IQCB1: variants seen among roughly 807,000 people sequenced by gnomAD.
IQCB1 encodes IQ motif containing B1.
In IQCB1, 56 loss-of-function variants were observed where a neutral mutation model predicts 84.4. The ratio of observed to expected loss-of-function variants is 0.66; its 90% CI spans 0.54 to 0.83. The LOEUF (loss-of-function observed/expected upper bound fraction) is 0.83, where lower values mean the gene tolerates loss of function less well. IQCB1 is among the 40% of genes least tolerant of loss of function. The pLI, the probability that IQCB1 is intolerant of heterozygous loss-of-function variation, is 0.00. For missense variants in IQCB1, 629 were observed against 682.1 expected, an observed-to-expected ratio of 0.92 and a Z score of 0.87; for synonymous variants, 210 against 234.8, an observed-to-expected ratio of 0.89 and a Z score of 0.96.
chr3:121,770,380 C>T lies in IQCB1; in HGVS notation c.1762G>A (p.Glu588Lys), dbSNP rs1278353359. Residue 588 changes from glutamate to lysine, a missense_variant, in exon 15 of 15, where the codon GAA becomes AAA. Physicochemically the swap from Glu to Lys is moderately conservative, Grantham distance 56. Transcript: ENST00000310864. ...TTGGTTCCACCAATGAATAAATTTT[C>T]TAATTCTATACTAAGCTCATCCTTT... The part of the protein sequence containing the change: ...VPKDELSIEL[E>K]NLFIGGTKPP 6.2e-7 allele frequency: 1 copy of T among 1,613,788 alleles called. No homozygotes were observed. Among genetic ancestry groups the T allele is most frequent in the African/African-American group, 1.3e-5 (1 of 74,910 alleles).
chr3:121,821,074 G>A lies in IQCB1; in HGVS notation c.393+4977C>T, dbSNP rs6784644. On this transcript the variant is annotated intron_variant, in intron 5 of 14. Transcript: ENST00000310864. Reference sequence around the variant, plus strand: ...GACGTGATCATAGCTCACTGCAGCCGTGAGCTCCTGGGCTCAAGCAATCCT... The same window carrying A: ...GACGTGATCATAGCTCACTGCAGCCATGAGCTCCTGGGCTCAAGCAATCCT... 2.9e-3 allele frequency among the ~76,000 whole-genome samples: 439 copies of A among 151,834 alleles called. 2 individuals carry two copies. The highest frequency in any genetic ancestry group is 0.01 in the African/African-American group (416 of 41,420).
At chr3:121,801,844 G>A (rs1169849838) in intron 7 of IQCB1, among the ~76,000 whole-genome samples, 3 of 132,420 alleles carry the variant, frequency 2.3e-5, no homozygotes, top group Non-Finnish European at 4.7e-5. Context: ...TTAAAATCAG[G>A]GCTAGATAAT....
At chr3:121,792,390 T>C (rs954805860) in intron 10 of IQCB1, among the ~76,000 whole-genome samples, 2 of 151,894 alleles carry the variant, frequency 1.3e-5, no homozygotes, top group African/African-American at 4.8e-5. Context: ...CCGGGCGCGG[T>C]GGCTCACGCT....
chr3:121,782,026 G>C, intron 12 of IQCB1, 152 bp from the exon 13 acceptor site: 2 of 747,160 alleles, frequency 2.7e-6, no homozygotes, highest in Middle Eastern at 3.6e-4. Flanking sequence ...AAATGCAGGA[G>C]AACAGTGACT....
chr3:121,806,806 TGACA>T (rs1559782529), intron 7 of IQCB1, among the ~76,000 whole-genome samples: 1 of 86,592 alleles, frequency 1.2e-5, no homozygotes, highest in Non-Finnish European at 2.4e-5. Flanking sequence ...ATAATTGCAA[TGACA>T]GACAGCAGCT....
chr3:121,799,623 CCTT>C (rs1199936909), intron 7 of IQCB1, among the ~76,000 whole-genome samples: 1 of 151,842 alleles, frequency 6.6e-6, no homozygotes, highest in Non-Finnish European at 1.5e-5. Flanking sequence ...TAGCCAAAGG[CCTT>C]CTCCTTAGAG....
In IQCB1 at chr3:121,790,235, T is replaced by C; in HGVS notation, c.987-20A>G. ...TTGGATCTGTGATGGAAACAGTGTG[T>C]TATACATAATTTTCATAAATCATAT... On this transcript the variant is annotated intron_variant, in intron 10 of 14. Transcript: ENST00000310864. 1 of 1,609,580 alleles carries C rather than the reference T, an allele frequency of 6.2e-7. No homozygotes were observed. The highest frequency in any genetic ancestry group is 8.5e-7 in the Non-Finnish European group (1 of 1,176,416).
intron 12 of IQCB1, among the ~76,000 whole-genome samples, chr3:121,782,813 G>T (rs931309105): frequency 4.6e-5 from 7 of 152,070 alleles, no homozygotes; most frequent in African/African-American, 1.7e-4. Flanking sequence ...CTGAGTAGCT[G>T]GGATTACAGG....
intron 13 of IQCB1, among the ~76,000 whole-genome samples, chr3:121,777,031 C>T (rs888110243): frequency 6.6e-6 from 1 of 152,142 alleles, no homozygotes; most frequent in Non-Finnish European, 1.5e-5. Flanking sequence ...CTTTTTGAAT[C>T]ATGCTTCTGG....
chr3:121,797,157 G>A lies in IQCB1; in HGVS notation c.837C>T (p.Gly279=). 6.2e-7 allele frequency: 1 copy of A among 1,609,588 alleles called. No individual in the cohort carries two copies. The highest frequency in any genetic ancestry group is 8.5e-7 in the Non-Finnish European group (1 of 1,176,940). ...CCTGATAGACCATTGGGCTTAAAAG[G>A]CCAACAAGCTGTCTAAGTTCTTGAC... The part of the protein sequence containing the change: ...EFSQELRQLV[G]LLSPMVYQEV... The change falls in exon 9 of 15, where the codon GGC becomes GGT. Residue 279 remains glycine, a synonymous_variant. Coordinates refer to ENST00000310864, the MANE Select transcript of IQCB1 (RefSeq NM_001023570.4).
intron 6 of IQCB1, 84 bp from the exon 7 acceptor site, chr3:121,807,527 A>G (rs772404206): frequency 8.1e-6 from 6 of 744,340 alleles, no homozygotes; most frequent in Non-Finnish European, 1.4e-5. Context: ...AAACCAAATC[A>G]AAGCATGACC....
chr3:121,796,157 G>A (rs1212283307), intron 9 of IQCB1, among the ~76,000 whole-genome samples: 1 of 152,058 alleles, frequency 6.6e-6, no homozygotes, highest in Non-Finnish European at 1.5e-5. Flanking sequence ...TAATCAATAT[G>A]AATTTGAGCA....
intron 13 of IQCB1, among the ~76,000 whole-genome samples, chr3:121,777,535 C>G (rs1208602527): frequency 6.6e-6 from 1 of 152,208 alleles, no homozygotes; most frequent in Non-Finnish European, 1.5e-5. Flanking sequence ...TGGTCCAACA[C>G]TGACTGAAAA....
At chr3:121,775,764 A>T (rs1948200260) in intron 13 of IQCB1, among the ~76,000 whole-genome samples, 1 of 152,170 alleles carries the variant, frequency 6.6e-6, no homozygotes, top group Non-Finnish European at 1.5e-5. Context: ...ATTGACGTAA[A>T]AATAACATAC....
At chr3:121,826,012 T>C (rs749111131) in intron 5 of IQCB1, 39 bp downstream of exon 5, 4 of 1,557,298 alleles carry the variant, frequency 2.6e-6, no homozygotes, top group Non-Finnish European at 3.5e-6. Context: ...TCTTAAGAAT[T>C]AAACTGATTT....
intron 10 of IQCB1, among the ~76,000 whole-genome samples, chr3:121,793,800 T>C (rs1215008877): frequency 6.6e-6 from 1 of 152,174 alleles, no homozygotes; most frequent in Non-Finnish European, 1.5e-5. Context: ...GAATATTAGA[T>C]TCCATAGATA....
rs4280673 is a variant in IQCB1 at position 121,807,260 on chromosome 3, C to T, written c.587+84G>A. The T allele has an allele frequency of 0.27, 166,214 of 605,462 alleles. 22,870 individuals carry two copies. Among genetic ancestry groups the T allele is most frequent in the African/African-American group, 0.38 (14,383 of 37,696 alleles). 37.5% of individuals were successfully genotyped at this position (605,462 alleles called of 1,614,324 possible). A position where few individuals can be genotyped will look rare whatever the true frequency, so the allele number is the denominator to read the frequency against. On this transcript the variant is annotated intron_variant, in intron 7 of 14. Coordinates refer to ENST00000310864, the MANE Select transcript of IQCB1 (RefSeq NM_001023570.4). ...ATATACATTATATACAAATCATATG[C>T]GGTCAATTTTAGCAAAATTGGAATA...
intron 7 of IQCB1, among the ~76,000 whole-genome samples, chr3:121,799,680 A>G (rs1021665348): frequency 6.6e-6 from 1 of 151,890 alleles, no homozygotes; most frequent in African/African-American, 2.4e-5. Flanking sequence ...TGTGCAAAAT[A>G]CTAAACAATA....
rs112035258 is a variant in IQCB1 at position 121,806,590 on chromosome 3, T to C, written c.587+754A>G. Among the ~76,000 whole-genome samples, 369 of 152,222 alleles carry C rather than the reference T, an allele frequency of 2.4e-3. 1 individual carries two copies. The highest frequency in any genetic ancestry group is 4.5e-3 in the Non-Finnish European group (306 of 67,962). ...TGGAATTACTGCTTTCTCTTTCTCC[T>C]CTTCCTCCCTGGCCAATATACCATC... On this transcript the variant is annotated intron_variant, in intron 7 of 14. Coordinates refer to ENST00000310864, the MANE Select transcript of IQCB1 (RefSeq NM_001023570.4).
Sources: gnomAD v4.1 joint callset for allele counts (sites outside exome capture counted in the v4.1 genomes callset) on GRCh38, gnomAD v4.1.1 for gene constraint, MANE v1.5 for transcripts, NCBI Gene and HGNC (gene_info 2026-07-23, HGNC 2026-07-21) for gene names.